The following UBA2 variants were observed in gnomAD, a reference collection of about 807,000 sequenced individuals.
The protein encoded by UBA2 is SUMO-activating enzyme subunit 2.
A neutral mutation model predicts 77.2 loss-of-function variants in UBA2; 11 were observed. The observed-to-expected ratio is 0.14, with a 90% CI of 0.09 to 0.24. UBA2 has a LOEUF of 0.24. UBA2 is among the 10% of genes least tolerant of loss of function. The pLI is 1.00. For missense variants in UBA2, 487 were observed against 781.7 expected, an observed-to-expected ratio of 0.62 and a Z score of 4.50; for synonymous variants, 278 against 276.7, an observed-to-expected ratio of 1.00 and a Z score of -0.05.
intron 8 of UBA2, among the ~76,000 whole-genome samples, chr19:34,446,616 T>C (rs1036590742): frequency 8.6e-5 from 2 of 23,182 alleles, no homozygotes; most frequent in African/African-American, 1.1e-4. Flanking sequence ...TTCTTTCTTT[T>C]TTTTTTTTTT....
intron 5 of UBA2, among the ~76,000 whole-genome samples, chr19:34,437,560 A>G (rs1490998605): frequency 1.3e-5 from 2 of 151,942 alleles, no homozygotes; most frequent in Admixed American, 6.6e-5. Context: ...TGGTGAGCCT[A>G]GATCACGCCA....
At chr19:34,429,189 A>C (rs1235499742) in intron 1 of UBA2, 4 of 985,288 alleles carry the variant, frequency 4.1e-6, no homozygotes, top group Non-Finnish European at 4.8e-6. Context: ...GGGCTCCCGC[A>C]GGCTGCGTGA....
chr19:34,467,648 C>T (rs146443394), intron 16 of UBA2, among the ~76,000 whole-genome samples: 1,555 of 152,076 alleles, frequency 0.01, 20 homozygotes, highest in African/African-American at 0.035. Flanking sequence ...TGGCAGCATG[C>T]GTCTGTAGTC....
intron 8 of UBA2, among the ~76,000 whole-genome samples, chr19:34,449,065 C>A (rs947310676): frequency 6.8e-5 from 5 of 73,842 alleles, no homozygotes; most frequent in South Asian, 6.0e-4. Context: ...AAATATAAAT[C>A]TTTTTTTTTT....
intron 14 of UBA2, among the ~76,000 whole-genome samples, chr19:34,461,873 G>A (rs942959706): frequency 6.6e-6 from 1 of 152,208 alleles, no homozygotes; most frequent in African/African-American, 2.4e-5. Context: ...TTTGTGAAAC[G>A]GAGGGGGAGT....
chr19:34,458,417 G>T (rs953712689), intron 12 of UBA2, among the ~76,000 whole-genome samples: 1 of 151,656 alleles, frequency 6.6e-6, no homozygotes, highest in Admixed American at 6.6e-5. Flanking sequence ...AAAATTAGCC[G>T]GGCGAGGTGG....
At chr19:34,430,347 ATTCT>A (rs891022226) in intron 1 of UBA2, among the ~76,000 whole-genome samples, 1 of 152,232 alleles carries the variant, frequency 6.6e-6, no homozygotes, top group African/African-American at 2.4e-5. Context: ...AAAATATACC[ATTCT>A]TTCAAAGTAT....
Position 34,428,586 on chromosome 19 carries a change from G to A in UBA2, c.138+16G>A. 1 of 1,306,386 alleles carries A rather than the reference G, an allele frequency of 7.7e-7. No homozygotes were observed. The highest frequency in any genetic ancestry group is 3.2e-5 in the South Asian group (1 of 31,086). 80.9% of individuals were successfully genotyped at this position (1,306,386 alleles called of 1,614,324 possible). ...CATCGACCTGGTGAGGGCCGGGCGC[G>A]CGCGCGTGAATGGCGGGCTGTGGTG... On this transcript the variant is annotated intron_variant, in intron 1 of 16. Transcript: ENST00000246548.
chr19:34,433,298 C>G (rs762597512), intron 3 of UBA2, 50 bp from the exon 4 acceptor site: 1 of 1,287,496 alleles, frequency 7.8e-7, no homozygotes, highest in Non-Finnish European at 1.1e-6. Flanking sequence ...CTGCAAAGAT[C>G]ATGTGGAAGG....
intron 8 of UBA2, among the ~76,000 whole-genome samples, chr19:34,447,181 G>A (rs2075441436): frequency 6.6e-6 from 1 of 152,124 alleles, no homozygotes; most frequent in Non-Finnish European, 1.5e-5. Flanking sequence ...GAAAGATGTA[G>A]GCTGGGAGGC....
At chr19:34,458,035 T>C (rs1053274857) in intron 12 of UBA2, among the ~76,000 whole-genome samples, 3 of 152,174 alleles carry the variant, frequency 2.0e-5, no homozygotes, top group Non-Finnish European at 4.4e-5. Flanking sequence ...AAAGGCACTA[T>C]CGTTAACTGG....
intron 8 of UBA2, among the ~76,000 whole-genome samples, chr19:34,445,971 TG>T (rs1041799116): frequency 6.6e-6 from 1 of 152,208 alleles, no homozygotes; most frequent in African/African-American, 2.4e-5. Context: ...AAAGTTTTTT[TG>T]TTCTGTCTTG....
chr19:34,430,457 A>G (rs2075240087), intron 1 of UBA2, 119 bp from the exon 2 acceptor site: 1 of 587,636 alleles, frequency 1.7e-6, no homozygotes, highest in African/African-American at 1.9e-5. Flanking sequence ...GATTCGAAAA[A>G]CGCTTTCTCC....
chr19:34,430,149 T>G (rs1349382822), intron 1 of UBA2: 1 of 154,114 alleles, frequency 6.5e-6, no homozygotes, highest in East Asian at 1.9e-4. Flanking sequence ...GCTCAAGCGA[T>G]TCTCTCACTT....
At chr19:34,442,435 A>G (rs2075380525) in intron 6 of UBA2, among the ~76,000 whole-genome samples, 1 of 152,130 alleles carries the variant, frequency 6.6e-6, no homozygotes, top group Admixed American at 6.5e-5. Flanking sequence ...TAAGTAAAAA[A>G]TGATGCTTTT....
intron 8 of UBA2, among the ~76,000 whole-genome samples, chr19:34,446,743 G>C (rs1013919421): frequency 6.6e-5 from 10 of 151,954 alleles, no homozygotes; most frequent in African/African-American, 2.4e-4. Context: ...TGAGTAGCTG[G>C]GATTACAGGT....
intron 6 of UBA2, among the ~76,000 whole-genome samples, chr19:34,442,442 T>A (rs770129751): frequency 3.3e-5 from 5 of 152,252 alleles, no homozygotes; most frequent in South Asian, 2.1e-4. Context: ...AAAATGATGC[T>A]TTTTTTGTTG....
chr19:34,435,666 C>A (rs1488917953), intron 5 of UBA2, among the ~76,000 whole-genome samples: 3 of 151,776 alleles, frequency 2.0e-5, no homozygotes, highest in Non-Finnish European at 4.4e-5. Context: ...CACGTCTCTA[C>A]AAAAAATACA....
At chr19:34,455,971 CT>C (rs2075554273) in intron 12 of UBA2, among the ~76,000 whole-genome samples, 1 of 151,164 alleles carries the variant, frequency 6.6e-6, no homozygotes, top group East Asian at 1.9e-4. Flanking sequence ...CTGATGGGGT[CT>C]TGCTATGTTG....
Sources: gnomAD v4.1 joint callset for allele counts (sites outside exome capture counted in the v4.1 genomes callset) on GRCh38, gnomAD v4.1.1 for gene constraint, MANE v1.5 for transcripts, NCBI Gene and HGNC (gene_info 2026-07-23, HGNC 2026-07-21) for gene names.